The following EFCAB6 variants were observed in gnomAD, a reference collection of about 807,000 sequenced individuals.
EFCAB6 encodes the protein EF-hand calcium binding domain 6, also known as EF-hand calcium-binding domain-containing protein 6.
EFCAB6 carries 156 observed loss-of-function variants against 169.8 expected under a neutral mutation model. The ratio of observed to expected loss-of-function variants is 0.92; its 90% confidence interval spans 0.81 to 1.05. The LOEUF (loss-of-function observed/expected upper bound fraction) is 1.05, where lower values mean the gene tolerates loss of function less well. Ranked by LOEUF, EFCAB6 falls within the 50% of genes least tolerant of loss-of-function variation. The pLI, the probability that EFCAB6 is intolerant of heterozygous loss-of-function variation, is 0.00. For missense variants in EFCAB6, 1,800 were observed against 1,829.1 expected (o/e 0.98, Z 0.29); for synonymous variants, 698 against 676.4 (o/e 1.03, Z -0.50).
In EFCAB6 at chr22:43,779,146, A is replaced by G. The variant is rs377391561; in HGVS notation, c.139+3034T>C. ...AAAAAATCTAAAAATTAAAAATACA[A>G]TATCAGAAGTTAAGAATTCACTTGT... On this transcript the variant is annotated intron_variant, in intron 3 of 31. Transcript: ENST00000262726. Among the ~76,000 whole-genome samples the G allele has an allele frequency of 3.9e-5, 6 of 152,360 alleles. No homozygotes were observed. In the East Asian group the frequency reaches 1.2e-3, roughly 29 times the overall value.
At chr22:43,590,311 T>C in intron 23 of EFCAB6, 82 bp from the exon 24 acceptor site, 1 of 1,503,776 alleles carries the variant, frequency 6.6e-7, no homozygotes, top group Non-Finnish European at 9.0e-7. Flanking sequence ...ATGATTATTC[T>C]AATGCAATGA....
intron 10 of EFCAB6, among the ~76,000 whole-genome samples, chr22:43,706,364 A>T (rs2058960850): frequency 6.6e-6 from 1 of 152,184 alleles, no homozygotes; most frequent in Non-Finnish European, 1.5e-5. Flanking sequence ...CCTCTTTGTT[A>T]TTCTCCATTG....
chr22:43,541,783 A>G (rs1467164926), intron 27 of EFCAB6, among the ~76,000 whole-genome samples: 1 of 151,564 alleles, frequency 6.6e-6, no homozygotes, highest in Non-Finnish European at 1.5e-5. Context: ...TGCCAAAACC[A>G]CCTCTGCAGC....
At chr22:43,774,495 C>G (rs1390350221) in intron 3 of EFCAB6, among the ~76,000 whole-genome samples, 1 of 151,780 alleles carries the variant, frequency 6.6e-6, no homozygotes, top group Non-Finnish European at 1.5e-5. Context: ...CCGACACCCA[C>G]TGAGGGCCCA....
At chr22:43,553,840 G>C (rs1438860076) in intron 27 of EFCAB6, 1 of 152,612 alleles carries the variant, frequency 6.6e-6, no homozygotes, top group African/African-American at 2.4e-5. Flanking sequence ...CTTAGGGGAG[G>C]AGGCTGGGAA....
chr22:43,745,566 C>T (rs371427335), intron 6 of EFCAB6, among the ~76,000 whole-genome samples: 186 of 152,278 alleles, frequency 1.2e-3, no homozygotes, highest in African/African-American at 4.3e-3. Context: ...GAGGGGGCTT[C>T]GGGCACCCCC....
intron 8 of EFCAB6, among the ~76,000 whole-genome samples, chr22:43,728,985 C>T (rs911591018): frequency 2.0e-5 from 3 of 152,166 alleles, no homozygotes; most frequent in South Asian, 2.1e-4. Context: ...TCTTTGCCCA[C>T]GCCTATGTCC....
At chr22:43,529,109 G>T in intron 31 of EFCAB6, 134 bp from the exon 32 acceptor site, 1 of 1,078,460 alleles carries the variant, frequency 9.3e-7, no homozygotes, top group Non-Finnish European at 1.3e-6. Context: ...TCCCATCTGT[G>T]CGCTCTCTCT....
chr22:43,577,785 T>C (rs2050356587), intron 25 of EFCAB6, among the ~76,000 whole-genome samples: 1 of 151,016 alleles, frequency 6.6e-6, no homozygotes, highest in African/African-American at 2.4e-5. Flanking sequence ...CTGCCCCTCC[T>C]CACTCCTTCC....
rs547378570 is a variant in EFCAB6, at chr22:43,612,358, A to G, written c.2562+3468T>C. On this transcript the variant is annotated intron_variant, in intron 21 of 31. Transcript: ENST00000262726. The stretch of plus-strand genomic sequence containing the variant: ...CAGCAAAACTATCAATAAAGAGACA[A>G]CCTACAGAATGTGAGGAAAATTTGC... Among the ~76,000 whole-genome samples, 10 of 152,324 alleles carry G rather than the reference A, an allele frequency of 6.6e-5. No homozygotes were observed. In the South Asian group the frequency reaches 1.9e-3, roughly 28 times the overall value.
chr22:43,774,768 C>T (rs2061585397), intron 3 of EFCAB6, among the ~76,000 whole-genome samples: 1 of 150,572 alleles, frequency 6.6e-6, no homozygotes, highest in East Asian at 2.0e-4. Context: ...TGCTGTGGGG[C>T]GTGGCCAGCC....
chr22:43,781,524 T>G (rs2061823137), intron 3 of EFCAB6, among the ~76,000 whole-genome samples: 1 of 152,106 alleles, frequency 6.6e-6, no homozygotes, highest in Non-Finnish European at 1.5e-5. Flanking sequence ...AGACAAGGTC[T>G]TACTATGTTG....
intron 28 of EFCAB6, among the ~76,000 whole-genome samples, chr22:43,538,457 C>T (rs1311893444): frequency 1.3e-5 from 2 of 152,252 alleles, no homozygotes; most frequent in Middle Eastern, 3.4e-3. Context: ...GGTGCAATCT[C>T]GGCTCACTGC....
At chr22:43,585,113 C>T (rs2050974352) in intron 24 of EFCAB6, among the ~76,000 whole-genome samples, 1 of 152,148 alleles carries the variant, frequency 6.6e-6, no homozygotes, top group African/African-American at 2.4e-5. Flanking sequence ...AGAAACCAAG[C>T]AAGCTGCAGA....
intron 26 of EFCAB6, among the ~76,000 whole-genome samples, chr22:43,564,092 C>T (rs1043228660): frequency 1.3e-5 from 2 of 152,200 alleles, no homozygotes; most frequent in Non-Finnish European, 2.9e-5. Flanking sequence ...GTTAGAACTA[C>T]CCTGCCAGAG....
chr22:43,635,564 T>A (rs1239214371), intron 17 of EFCAB6, among the ~76,000 whole-genome samples: 1 of 152,208 alleles, frequency 6.6e-6, no homozygotes, highest in African/African-American at 2.4e-5. Flanking sequence ...ATTAGGTTTA[T>A]GTTCACATAG....
chr22:43,731,816 A>C lies in EFCAB6; in HGVS notation c.645-5T>G. 1 of 1,540,652 alleles carries C rather than the reference A, an allele frequency of 6.5e-7. No individual in the cohort carries two copies. The highest frequency in any genetic ancestry group is 8.7e-7 in the Non-Finnish European group (1 of 1,143,228). On this transcript the variant is annotated splice_polypyrimidine_tract_variant and splice_region_variant and intron_variant, in intron 7 of 31. Coordinates refer to ENST00000262726, the MANE Select transcript of EFCAB6 (RefSeq NM_022785.4). ...ATGTTGTAGTGTTTCGAAAACCTAA[A>C]ATACAAATGTTCTTTAGTAATGAGA...
At chr22:43,599,949 C>G (rs374373888) in intron 23 of EFCAB6, 120 bp downstream of exon 23, 1 of 1,137,510 alleles carries the variant, frequency 8.8e-7, no homozygotes, top group Non-Finnish European at 1.2e-6. Context: ...TGAACAAGCA[C>G]GATCATTTCC....
chr22:43,677,955 C>T (rs2057836394), intron 13 of EFCAB6, 41 bp downstream of exon 13: 1 of 1,580,272 alleles, frequency 6.3e-7, no homozygotes, highest in Admixed American at 1.8e-5. Flanking sequence ...AATTTCCCAA[C>T]ATAAAGAGAA....
Sources: allele counts gnomAD v4.1 joint callset (sites outside exome capture counted in the v4.1 genomes callset), GRCh38; gene constraint gnomAD v4.1.1; transcripts MANE v1.5; gene names NCBI Gene and HGNC (gene_info 2026-07-23, HGNC 2026-07-21).